ZNF138: variants seen among roughly 807,000 people sequenced by gnomAD.
ZNF138 encodes zinc finger protein 138.
A neutral mutation model predicts 33.0 loss-of-function variants in ZNF138; 33 were observed. The observed-to-expected ratio is 1.00, with a 90% confidence interval of 0.76 to 1.34. ZNF138 has a LOEUF of 1.34. Ranked by LOEUF, ZNF138 falls within the 40% of genes most tolerant of loss-of-function variation. ZNF138 has a pLI of 0.00. For missense variants in ZNF138, 360 were observed against 370.8 expected (o/e 0.97, Z 0.24); for synonymous variants, 139 against 120.4 (o/e 1.15, Z -1.01).
chr7:64,805,588 G>A (rs1787530541), intron 1 of ZNF138, among the ~76,000 whole-genome samples: 1 of 152,176 alleles, frequency 6.6e-6, no homozygotes, highest in Admixed American at 6.5e-5. Flanking sequence ...TGTGAGCCCT[G>A]TGCTGTGGGC....
chr7:64,805,426 AGG>A (rs201654169), intron 1 of ZNF138, among the ~76,000 whole-genome samples: 1 of 134,800 alleles, frequency 7.4e-6, no homozygotes, highest in African/African-American at 3.9e-5. Flanking sequence ...AAAAAAACTG[AGG>A]CTGAAACAGT....
At chr7:64,838,922 T>C in the ZNF138 span, among the ~76,000 whole-genome samples, 195 of 152,140 alleles carry the variant, frequency 1.3e-3, no homozygotes, top group Admixed American at 2.4e-3. Flanking sequence ...GGTAGTAAGA[T>C]GGCAGTGGTG....
chr7:64,843,526 T>C, the ZNF138 span, among the ~76,000 whole-genome samples: 350 of 152,334 alleles, frequency 2.3e-3, no homozygotes, highest in African/African-American at 7.9e-3. Context: ...TGCTTTCCTT[T>C]CCCTGATAAT....
At chr7:64,805,618 G>T (rs144193276) in intron 1 of ZNF138, among the ~76,000 whole-genome samples, 248 of 152,308 alleles carry the variant, frequency 1.6e-3, no homozygotes, top group East Asian at 0.011. Flanking sequence ...AGGGAAGATG[G>T]TAAAAGTCAA....
the ZNF138 span, chr7:64,852,876 C>T: frequency 4.9e-5 from 44 of 905,792 alleles, no homozygotes; most frequent in African/African-American, 1.5e-4. Context: ...ACTGTTTGGC[C>T]GCCCATTACA....
At chr7:64,802,992 A>G (rs1787275320) in intron 1 of ZNF138, among the ~76,000 whole-genome samples, 1 of 152,136 alleles carries the variant, frequency 6.6e-6, no homozygotes, top group Non-Finnish European at 1.5e-5. Flanking sequence ...CCTCTTACAT[A>G]ACAATTGTGT....
At chr7:64,842,210 C>G in the ZNF138 span, among the ~76,000 whole-genome samples, 1 of 152,090 alleles carries the variant, frequency 6.6e-6, no homozygotes, top group Non-Finnish European at 1.5e-5. Flanking sequence ...ATTGCAGGTG[C>G]CTGCCACTAC....
the ZNF138 span, among the ~76,000 whole-genome samples, chr7:64,853,754 A>T: frequency 6.6e-6 from 1 of 151,846 alleles, no homozygotes; most frequent in African/African-American, 2.4e-5. Flanking sequence ...CATTAACCAT[A>T]ATACTTTAAT....
rs776130234 is a variant in ZNF138, at chr7:64,831,570, G to A, written c.328G>A (p.Gly110Ser). The part of the protein sequence containing the change: ...YGHKNLQLRK[G>S]CKSVDECKGH... ...ACATAAGAATTTACAGTTAAGAAAA[G>A]GCTGTAAAAGTGTGGATGAGTGTAA... Residue 110 changes from glycine (G) to serine (S), a missense_variant, in exon 4 of 4, where the codon GGC becomes AGC. Transcript: ENST00000307355. 37 of 1,613,406 alleles carry A rather than the reference G, an allele frequency of 2.3e-5. No individual in the cohort carries two copies. Among genetic ancestry groups the A allele is most frequent in the Non-Finnish European group, 3.1e-5 (36 of 1,179,778 alleles).
At chr7:64,858,200 C>A in the ZNF138 span, among the ~76,000 whole-genome samples, 1 of 152,108 alleles carries the variant, frequency 6.6e-6, no homozygotes, top group African/African-American at 2.4e-5. Flanking sequence ...CTACACTTTT[C>A]TTTCAGGGTT....
At chr7:64,837,674 C>T (rs1583915331), downstream of ZNF138, among the ~76,000 whole-genome samples, 1 of 152,122 alleles carries the variant, frequency 6.6e-6, no homozygotes, top group Non-Finnish European at 1.5e-5. Context: ...CAGAAGACTG[C>T]GGATGGTATG....
rs1378976291 is a variant in ZNF138 at position 64,794,433 on chromosome 7, G to T, written c.-136G>T. ...CGGGAGGCGGCGGGGTCTTTGTCTC[G>T]CTGCAGCGGGTGCTGCAGGTCTGGC... On this transcript the variant is annotated 5_prime_UTR_variant, in exon 1 of 4. Transcript: ENST00000307355. 5 of 1,322,906 alleles carry T rather than the reference G, an allele frequency of 3.8e-6. No individual in the cohort carries two copies. The highest frequency in any genetic ancestry group is 5.3e-6 in the Non-Finnish European group (5 of 936,680). 81.9% of individuals were successfully genotyped at this position (1,322,906 alleles called of 1,614,324 possible).
At chr7:64,857,787 A>G in the ZNF138 span, among the ~76,000 whole-genome samples, 1 of 152,204 alleles carries the variant, frequency 6.6e-6, no homozygotes, top group Non-Finnish European at 1.5e-5. Flanking sequence ...GCTTTTCATC[A>G]TCATCGTTAA....
the ZNF138 span, among the ~76,000 whole-genome samples, chr7:64,851,965 T>A: frequency 6.6e-6 from 1 of 152,146 alleles, no homozygotes; most frequent in South Asian, 2.1e-4. Flanking sequence ...CACTGACCAA[T>A]GCTATCTCTC....
the ZNF138 span, among the ~76,000 whole-genome samples, chr7:64,839,389 G>A: frequency 1.3e-5 from 2 of 152,170 alleles, no homozygotes; most frequent in South Asian, 2.1e-4. Flanking sequence ...CAGCAGAAGC[G>A]TCCTTCTGGG....
chr7:64,821,758 G>A (rs1254964895), intron 3 of ZNF138, among the ~76,000 whole-genome samples: 1 of 151,000 alleles, frequency 6.6e-6, no homozygotes, highest in Non-Finnish European at 1.5e-5. Context: ...TGTTGGCCAG[G>A]CTGGTCTCCA....
At chr7:64,852,496 C>T in the ZNF138 span, 1 of 1,580,296 alleles carries the variant, frequency 6.3e-7, no homozygotes, top group Non-Finnish European at 8.7e-7. Context: ...TGTGGTTGCC[C>T]TTCTCTACAA....
intron 1 of ZNF138, among the ~76,000 whole-genome samples, chr7:64,804,095 C>T (rs1045444405): frequency 6.6e-6 from 1 of 152,146 alleles, no homozygotes; most frequent in African/African-American, 2.4e-5. Flanking sequence ...GAGACCACCC[C>T]TCATACTGTC....
At chr7:64,852,554 A>T in the ZNF138 span, 1 of 1,569,756 alleles carries the variant, frequency 6.4e-7, no homozygotes, top group South Asian at 1.1e-5. Flanking sequence ...GGGGGACTTT[A>T]TCTCTGCACA....
Sources: allele counts gnomAD v4.1 joint callset (sites outside exome capture counted in the v4.1 genomes callset), GRCh38; gene constraint gnomAD v4.1.1; transcripts MANE v1.5; gene names NCBI Gene and HGNC (gene_info 2026-07-23, HGNC 2026-07-21).